The following PLCL2 variants were observed in gnomAD, a reference collection of about 807,000 sequenced individuals.
PLCL2 encodes the protein inactive phospholipase C-like protein 2.
A neutral mutation model predicts 79.6 loss-of-function variants in PLCL2; 4 were observed. That is an observed-to-expected ratio of 0.05 (90% confidence interval 0.02 to 0.11). The LOEUF is 0.11. Among genes scored for constraint, PLCL2 ranks in the 10% least tolerant of loss-of-function variants. The pLI is 1.00. For missense variants in PLCL2, 895 were observed against 1,291.0 expected (o/e 0.69, Z 4.70); for synonymous variants, 484 against 457.7 (o/e 1.06, Z -0.73).
intron 5 of PLCL2, among the ~76,000 whole-genome samples, chr3:17,078,513 C>T (rs750597513): frequency 2.1e-4 from 32 of 152,118 alleles, no homozygotes; most frequent in Non-Finnish European, 3.4e-4. Flanking sequence ...TTGTTACAAC[C>T]GAAGATGTTT....
At chr3:16,972,952 C>T (rs2063888464) in intron 1 of PLCL2, among the ~76,000 whole-genome samples, 1 of 152,020 alleles carries the variant, frequency 6.6e-6, no homozygotes, top group Non-Finnish European at 1.5e-5. Context: ...CTACTCTGTG[C>T]CTTTTAATTG....
chr3:16,959,707 A>G (rs2063738062), intron 1 of PLCL2, among the ~76,000 whole-genome samples: 1 of 152,218 alleles, frequency 6.6e-6, no homozygotes, highest in East Asian at 1.9e-4. Flanking sequence ...ATCCTTGAAC[A>G]CCTACTTGGT....
chr3:17,077,104 G>A (rs1178880562), intron 5 of PLCL2, among the ~76,000 whole-genome samples: 1 of 152,134 alleles, frequency 6.6e-6, no homozygotes, highest in South Asian at 2.1e-4. Flanking sequence ...GGGACTGCTG[G>A]GCTCTGTTTG....
At chr3:17,005,121 A>T (rs765055327) in intron 1 of PLCL2, among the ~76,000 whole-genome samples, 1 of 152,114 alleles carries the variant, frequency 6.6e-6, no homozygotes, top group Non-Finnish European at 1.5e-5. Flanking sequence ...AATCAAACAG[A>T]AAATGGGAAC....
rs1041557194 is a variant in PLCL2, at chr3:17,009,628, A to G, written c.328-46A>G. 8 of 970,596 alleles carry G rather than the reference A, an allele frequency of 8.2e-6. No homozygotes were observed. Among genetic ancestry groups the G allele is most frequent in the Admixed American group, 4.9e-5 (2 of 40,994 alleles). The allele number at this position is 970,596 out of a possible 1,614,324, so 60.1% of individuals were successfully genotyped here. A position where few individuals can be genotyped will look rare whatever the true frequency, so the allele number is the denominator to read the frequency against. ...TCTATTCATAATCTTGAACATAGAA[A>G]CCTATATTTATGTTATTCTAATATA... On this transcript the variant is annotated intron_variant, in intron 1 of 5. Coordinates refer to ENST00000615277, the MANE Select transcript of PLCL2 (RefSeq NM_001144382.2). The surrounding 1 kb of genome is among the most constrained non-coding windows in gnomAD (Gnocchi z 4.0).
intron 1 of PLCL2, among the ~76,000 whole-genome samples, chr3:16,898,028 C>A (rs1696524975): frequency 4.6e-5 from 7 of 151,630 alleles, no homozygotes; most frequent in Admixed American, 4.6e-4. Context: ...GATGAGTCTT[C>A]TAGCCAAGAA....
At chr3:16,987,854 A>C (rs775385967) in intron 1 of PLCL2, among the ~76,000 whole-genome samples, 1 of 152,238 alleles carries the variant, frequency 6.6e-6, no homozygotes, top group Non-Finnish European at 1.5e-5. Context: ...AAAGGACAGC[A>C]CAAACAACTT....
chr3:17,024,104 A>G (rs958679202), intron 3 of PLCL2, among the ~76,000 whole-genome samples: 3 of 152,208 alleles, frequency 2.0e-5, no homozygotes, highest in African/African-American at 7.2e-5. Flanking sequence ...TAGAAGTATG[A>G]TGTGATAACT....
intron 1 of PLCL2, among the ~76,000 whole-genome samples, chr3:16,965,431 G>A (rs1347493056): frequency 1.3e-5 from 2 of 152,086 alleles, no homozygotes; most frequent in Admixed American, 6.6e-5. Flanking sequence ...TAGCCTTGTA[G>A]TATAGTTTGA....
chr3:16,930,454 A>G (rs1191063493), intron 1 of PLCL2, among the ~76,000 whole-genome samples: 1 of 152,200 alleles, frequency 6.6e-6, no homozygotes, highest in East Asian at 1.9e-4. Flanking sequence ...CTATAGTCCA[A>G]CCAATGTATG....
intron 4 of PLCL2, among the ~76,000 whole-genome samples, chr3:17,056,899 G>A (rs1476110130): frequency 6.6e-6 from 1 of 152,128 alleles, no homozygotes; most frequent in Admixed American, 6.6e-5. Context: ...AGGGAATGCA[G>A]GATTTGTATA....
chr3:16,891,137 G>C (rs539068557), intron 1 of PLCL2, among the ~76,000 whole-genome samples: 1 of 152,348 alleles, frequency 6.6e-6, no homozygotes, highest in South Asian at 2.1e-4. Flanking sequence ...GATTATTCAG[G>C]AGGCAGAATT....
intron 4 of PLCL2, among the ~76,000 whole-genome samples, chr3:17,049,349 C>T (rs182402751): frequency 4.6e-5 from 7 of 152,294 alleles, no homozygotes; most frequent in Admixed American, 3.9e-4. Flanking sequence ...AGGCAGCAGA[C>T]AAGTTCCCAG....
chr3:16,960,340 G>C (rs1054652836), intron 1 of PLCL2, among the ~76,000 whole-genome samples: 2 of 152,142 alleles, frequency 1.3e-5, no homozygotes, highest in Non-Finnish European at 2.9e-5. Flanking sequence ...ACCTCGCCTG[G>C]CCTTCTGCCT....
At chr3:17,043,559 C>T (rs2064748849) in intron 4 of PLCL2, among the ~76,000 whole-genome samples, 1 of 151,372 alleles carries the variant, frequency 6.6e-6, no homozygotes, top group African/African-American at 2.4e-5. Flanking sequence ...AAATGGAGTT[C>T]TTTTAATTTT....
At chr3:17,013,159 C>G (rs1347865325) in intron 2 of PLCL2, among the ~76,000 whole-genome samples, 1 of 151,982 alleles carries the variant, frequency 6.6e-6, no homozygotes, top group African/African-American at 2.4e-5. Flanking sequence ...TTGGTAAACC[C>G]TCAGCTCTGA....
At chr3:16,976,858 T>G (rs1037490650) in intron 1 of PLCL2, among the ~76,000 whole-genome samples, 36 of 152,200 alleles carry the variant, frequency 2.4e-4, no homozygotes, top group Non-Finnish European at 4.1e-4. Context: ...TGACCTGTCA[T>G]AGATCACTCC....
chr3:17,013,114 A>T (rs923633104), intron 2 of PLCL2, among the ~76,000 whole-genome samples: 1 of 152,166 alleles, frequency 6.6e-6, no homozygotes, highest in Non-Finnish European at 1.5e-5. Context: ...CAGACATATG[A>T]AGGGCTTTTC....
chr3:16,931,710 A>G (rs954045655), intron 1 of PLCL2, among the ~76,000 whole-genome samples: 1 of 152,174 alleles, frequency 6.6e-6, no homozygotes, highest in Non-Finnish European at 1.5e-5. Flanking sequence ...TTTAAGGTTC[A>G]GTTTTCTCCC....
Sources: gnomAD v4.1 joint callset for allele counts (sites outside exome capture counted in the v4.1 genomes callset) on GRCh38, gnomAD v4.1.1 for gene constraint, Gnocchi (gnomAD v3.1) non-coding constraint, MANE v1.5 for transcripts, NCBI Gene and HGNC (gene_info 2026-07-23, HGNC 2026-07-21) for gene names.